Variants in ENOX1 observed in about 807,000 individuals in gnomAD.
The protein encoded by ENOX1 is ecto-NOX disulfide-thiol exchanger 1.
A neutral mutation model predicts 82.5 loss-of-function variants in ENOX1; 42 were observed. That is an observed-to-expected ratio of 0.51 (90% CI 0.40 to 0.66). ENOX1 has a LOEUF of 0.66. Ranked by LOEUF, ENOX1 falls within the 30% of genes least tolerant of loss-of-function variation. The pLI, the probability that ENOX1 is intolerant of heterozygous loss-of-function variation, is 0.00. For missense variants in ENOX1, 608 were observed against 811.6 expected, an observed-to-expected ratio of 0.75 and a Z score of 3.05; for synonymous variants, 271 against 282.2, an observed-to-expected ratio of 0.96 and a Z score of 0.40.
chr13:43,488,256 G>A (rs893528035), intron 2 of ENOX1, among the ~76,000 whole-genome samples: 59 of 152,310 alleles, frequency 3.9e-4, no homozygotes, highest in African/African-American at 1.3e-3. Flanking sequence ...CCTCATGAAT[G>A]TGATCAAGGC....
intron 1 of ENOX1, among the ~76,000 whole-genome samples, chr13:43,727,118 A>G (rs984517660): frequency 1.3e-5 from 2 of 152,114 alleles, no homozygotes; most frequent in Non-Finnish European, 2.9e-5. Flanking sequence ...GCTGGTACTG[A>G]ATTTCCAGCT....
intron 5 of ENOX1, among the ~76,000 whole-genome samples, chr13:43,404,757 T>A (rs931837780): frequency 6.6e-6 from 1 of 152,202 alleles, no homozygotes; most frequent in Admixed American, 6.5e-5. Context: ...AATATACCAA[T>A]GTAATGTCCT....
chr13:43,298,154 T>C (rs944846783), intron 12 of ENOX1, among the ~76,000 whole-genome samples, 192 bp downstream of exon 12: 1 of 152,224 alleles, frequency 6.6e-6, no homozygotes, highest in Non-Finnish European at 1.5e-5. Flanking sequence ...TCAACATATT[T>C]TATTGGCTTG....
intron 14 of ENOX1, among the ~76,000 whole-genome samples, chr13:43,249,094 C>T (rs2153468136): frequency 6.6e-6 from 1 of 152,096 alleles, no homozygotes; most frequent in South Asian, 2.1e-4. Context: ...TGGTCTCAAG[C>T]TGGCAATGAA....
At chr13:43,516,852 CA>C (rs2077579365) in intron 2 of ENOX1, among the ~76,000 whole-genome samples, 1 of 152,152 alleles carries the variant, frequency 6.6e-6, no homozygotes, top group African/African-American at 2.4e-5. Flanking sequence ...TTAGCTTCCC[CA>C]TTTTGTGTAG....
chr13:43,702,802 A>T (rs2086982389), intron 1 of ENOX1, among the ~76,000 whole-genome samples: 1 of 151,854 alleles, frequency 6.6e-6, no homozygotes, highest in East Asian at 1.9e-4. Context: ...AATACAAAAA[A>T]ATTAGCTGAG....
At chr13:43,441,671 A>C (rs933756771) in intron 3 of ENOX1, among the ~76,000 whole-genome samples, 5 of 149,314 alleles carry the variant, frequency 3.3e-5, no homozygotes, top group Non-Finnish European at 1.5e-5. Flanking sequence ...CGAAGGCGGC[A>C]CTGCGGGTCT....
intron 2 of ENOX1, among the ~76,000 whole-genome samples, chr13:43,484,424 G>A (rs1194650427): frequency 6.6e-6 from 1 of 152,184 alleles, no homozygotes. Flanking sequence ...ACTGTGGGCA[G>A]GGTATGAGCA....
chr13:43,253,486 G>A (rs2043575777), intron 14 of ENOX1, among the ~76,000 whole-genome samples: 1 of 152,196 alleles, frequency 6.6e-6, no homozygotes, highest in Non-Finnish European at 1.5e-5. Context: ...GAGAGTACCA[G>A]GCAAGGAATC....
chr13:43,486,910 C>T (rs753962499), intron 2 of ENOX1, among the ~76,000 whole-genome samples: 27 of 152,314 alleles, frequency 1.8e-4, no homozygotes, highest in South Asian at 6.2e-4. Context: ...CAGTGGCTCA[C>T]GCCTATAATC....
chr13:43,655,515 G>A (rs955999937), intron 2 of ENOX1, among the ~76,000 whole-genome samples: 1 of 152,082 alleles, frequency 6.6e-6, no homozygotes, highest in Admixed American at 6.5e-5. Flanking sequence ...GTCATTCTTA[G>A]CATGCACCAA....
At chr13:43,292,919 C>T (rs1445337777) in intron 12 of ENOX1, among the ~76,000 whole-genome samples, 1 of 151,950 alleles carries the variant, frequency 6.6e-6, no homozygotes, top group Non-Finnish European at 1.5e-5. Context: ...GCCATCACCA[C>T]AACCACAGCC....
At chr13:43,359,493 A>C (rs1253517054) in intron 7 of ENOX1, among the ~76,000 whole-genome samples, 1 of 152,240 alleles carries the variant, frequency 6.6e-6, no homozygotes, top group African/African-American at 2.4e-5. Flanking sequence ...ATCCACTTCC[A>C]AAAACCTGAA....
chr13:43,324,328 G>T (rs935950784), intron 10 of ENOX1, among the ~76,000 whole-genome samples: 13 of 152,290 alleles, frequency 8.5e-5, no homozygotes, highest in African/African-American at 2.9e-4. Flanking sequence ...TTGTTCTTGT[G>T]GGAAAGGGTG....
At chr13:43,440,057 A>C (rs1382301162) in intron 3 of ENOX1, among the ~76,000 whole-genome samples, 1 of 152,228 alleles carries the variant, frequency 6.6e-6, no homozygotes, top group Non-Finnish European at 1.5e-5. Context: ...ACAGCCCCTT[A>C]CATCAGCAAA....
intron 1 of ENOX1, among the ~76,000 whole-genome samples, chr13:43,776,399 A>G (rs1249985593): frequency 1.3e-5 from 2 of 152,154 alleles, no homozygotes; most frequent in Non-Finnish European, 2.9e-5. Context: ...GGGTGAAGTT[A>G]TAAATGCAGG....
intron 2 of ENOX1, among the ~76,000 whole-genome samples, chr13:43,602,644 A>G (rs1228584448): frequency 6.6e-6 from 1 of 152,154 alleles, no homozygotes; most frequent in Non-Finnish European, 1.5e-5. Flanking sequence ...TAAATATAAA[A>G]GCCTTAAAAT....
At chr13:43,591,489 AAGG>A (rs1347324645) in intron 2 of ENOX1, among the ~76,000 whole-genome samples, 2 of 152,268 alleles carry the variant, frequency 1.3e-5, no homozygotes, top group African/African-American at 4.8e-5. Context: ...AAGGCACAGA[AAGG>A]AGGTTTGGTG....
chr13:43,574,287 G>C (rs1299303421), intron 2 of ENOX1, among the ~76,000 whole-genome samples: 2 of 152,140 alleles, frequency 1.3e-5, no homozygotes, highest in Admixed American at 6.5e-5. Context: ...GGACTTTTCA[G>C]GTAGACATGG....
Sources: allele counts gnomAD v4.1 joint callset (sites outside exome capture counted in the v4.1 genomes callset), GRCh38; gene constraint gnomAD v4.1.1; transcripts MANE v1.5; gene names NCBI Gene and HGNC (gene_info 2026-07-23, HGNC 2026-07-21).